CDHR2: variants seen among roughly 807,000 people sequenced by gnomAD.
CDHR2 encodes the protein cadherin-related family member 2.
Under a neutral mutation model 138.6 loss-of-function variants are expected in CDHR2, and 104 were observed. The observed-to-expected ratio is 0.75, with a 90% CI of 0.64 to 0.88. CDHR2 has a LOEUF of 0.88. CDHR2 is among the 40% of genes least tolerant of loss of function. The probability of loss-of-function intolerance (pLI) is 0.00; values close to 1 mark genes in which losing one functional copy is unlikely to be tolerated. For synonymous variants in CDHR2, 755 were observed against 742.8 expected (o/e 1.02, Z -0.27); for missense variants, 1,624 against 1,727.6 (o/e 0.94, Z 1.06).
chr5:176,590,089 A>C lies in CDHR2; in HGVS notation c.3218A>C (p.Gln1073Pro), dbSNP rs758539511. The C allele has an allele frequency of 1.9e-6, 3 of 1,613,728 alleles. No individual in the cohort carries two copies. The highest frequency in any genetic ancestry group is 1.7e-6 in the Non-Finnish European group (2 of 1,179,874). Residue 1073 changes from glutamine (Q) to proline (P), a missense_variant, in exon 25 of 32, where the codon CAG (glutamine) becomes CCG (proline). Physicochemically the swap from Gln to Pro is moderately conservative, Grantham distance 76 (BLOSUM62 -1). Coordinates refer to ENST00000261944, the MANE Select transcript of CDHR2 (RefSeq NM_017675.6). ...TGCCTTCTTTGCAGGGCTCTTACCC[A>C]GGCAACCAGGACTACAGTATACATT... The part of the protein sequence containing the change: ...NRQAINAALT[Q>P]ATRTTVYIVD...
chr5:176,549,971 G>T (rs1252281009), intron 1 of CDHR2, among the ~76,000 whole-genome samples: 1 of 152,226 alleles, frequency 6.6e-6, no homozygotes, highest in African/African-American at 2.4e-5. Flanking sequence ...GCCAGTGCTA[G>T]GAAGTGTCAG....
chr5:176,557,627 G>T (rs1421257217), intron 1 of CDHR2, among the ~76,000 whole-genome samples: 1 of 142,986 alleles, frequency 7.0e-6, no homozygotes, highest in African/African-American at 2.6e-5. Context: ...GTGCAGTGAC[G>T]AAATCTCTGC....
chr5:176,551,811 C>T (rs1195372655), intron 1 of CDHR2, among the ~76,000 whole-genome samples: 2 of 150,236 alleles, frequency 1.3e-5, no homozygotes, highest in Non-Finnish European at 2.9e-5. Flanking sequence ...ACGCCATTCT[C>T]CTGCCTCAGC....
exon 1 of CDHR2, chr5:176,542,729 A>G (rs1302547020): frequency 1.3e-5 from 2 of 151,796 alleles, no homozygotes; most frequent in Middle Eastern, 3.4e-3. Flanking sequence ...CAAGACACGG[A>G]CTCTCTCCGG....
At chr5:176,588,837 T>C (rs960543338) in intron 21 of CDHR2, among the ~76,000 whole-genome samples, 194 bp from the exon 22 acceptor site, 2 of 152,098 alleles carry the variant, frequency 1.3e-5, no homozygotes, top group Non-Finnish European at 2.9e-5. Context: ...AGGGGCAGGT[T>C]CTTGTCCAAA....
rs766845271 is a variant in CDHR2, at chr5:176,581,592, C to T, written c.2058+10C>T. The T allele has an allele frequency of 1.4e-5, 22 of 1,611,100 alleles. No individual in the cohort carries two copies. The highest frequency in any genetic ancestry group is 2.7e-5 in the African/African-American group (2 of 74,894). ...CACCATCACTGTGGAGGTAAGGCCT[C>T]GCTTAGCCAGGATGGGCCTGGGGGC... On this transcript the variant is annotated intron_variant, in intron 17 of 31. Transcript: ENST00000261944.
At chr5:176,592,084 GTGGTGGTGGTGA>G (rs879495530) in intron 30 of CDHR2, among the ~76,000 whole-genome samples, 43,051 of 132,498 alleles carry the variant, frequency 0.32, 9,231 homozygotes, top group Non-Finnish European at 0.42. Context: ...AGTTATCGTG[GTGGTGGTGGTGA>G]TGGTGGTGGT....
chr5:176,585,125 T>C, intron 19 of CDHR2, 110 bp downstream of exon 19: 1 of 1,300,368 alleles, frequency 7.7e-7, no homozygotes, highest in South Asian at 1.5e-5. Flanking sequence ...GCTCCAGCCC[T>C]TTCCAGCTGC....
At chr5:176,593,171 G>A (rs1488161930) in intron 31 of CDHR2, among the ~76,000 whole-genome samples, 1 of 152,186 alleles carries the variant, frequency 6.6e-6, no homozygotes. Context: ...ATCCAGAGGT[G>A]AACCAGCATA....
intron 31 of CDHR2, among the ~76,000 whole-genome samples, chr5:176,593,350 T>C (rs1237815906): frequency 6.6e-6 from 1 of 152,138 alleles, no homozygotes; most frequent in Non-Finnish European, 1.5e-5. Context: ...GGTCCATGGG[T>C]GCAACATTCT....
At chr5:176,586,333 C>T (rs902928473) in intron 20 of CDHR2, among the ~76,000 whole-genome samples, 1 of 152,216 alleles carries the variant, frequency 6.6e-6, no homozygotes, top group African/African-American at 2.4e-5. Context: ...GTAGCTGGGG[C>T]TACAGGCATG....
intron 1 of CDHR2, among the ~76,000 whole-genome samples, chr5:176,557,363 G>A (rs570346668): frequency 4.6e-5 from 7 of 151,948 alleles, no homozygotes; most frequent in Non-Finnish European, 7.4e-5. Flanking sequence ...GTGCCACTAC[G>A]CTGGCCTAAT....
chr5:176,591,569 T>A (rs1581152042), intron 30 of CDHR2, 85 bp downstream of exon 30: 1 of 1,005,922 alleles, frequency 9.9e-7, no homozygotes, highest in East Asian at 2.4e-5. Flanking sequence ...TTGGTGGTGA[T>A]GATGGTGATG....
intron 24 of CDHR2, among the ~76,000 whole-genome samples, chr5:176,589,864 C>G (rs1426467282): frequency 6.6e-6 from 1 of 152,222 alleles, no homozygotes; most frequent in African/African-American, 2.4e-5. Context: ...CTGTGTGTTG[C>G]ACAAGGGCAC....
Position 176,578,528 on chromosome 5 carries a change from AACG to A in CDHR2, c.1741_1743del (p.Asp581del). The A allele has an allele frequency of 6.2e-7, 1 of 1,614,168 alleles. No individual in the cohort carries two copies. The highest frequency in any genetic ancestry group is 8.5e-7 in the Non-Finnish European group (1 of 1,180,034). On this transcript the variant is annotated inframe_deletion, in exon 16 of 32. Transcript: ENST00000261944. ...ACTGCAGATCCACCTGCTGGACATCAACGACAATGCACCCGTGGTTAGCGGCTC... is the reference window on the plus strand; with the variant it reads ...ACTGCAGATCCACCTGCTGGACATCAACAATGCACCCGTGGTTAGCGGCTC...
chr5:176,565,395 G>A lies in CDHR2; in HGVS notation c.43G>A (p.Val15Met), dbSNP rs142638492. 1.8e-4 allele frequency: 295 copies of A among 1,613,798 alleles called. No homozygotes were observed. Among genetic ancestry groups the A allele is most frequent in the Admixed American group, 1.1e-3 (67 of 59,982 alleles). The change falls in exon 2 of 32, where the codon GTG becomes ATG. Residue 15 changes from valine (V) to methionine (M), a missense_variant. By Grantham distance (21) the Val-to-Met change is conservative. Transcript: ENST00000261944. ...GTCCTGCTTCCTCCTTCCTGCCCTC[G>A]TGGTGTCTGGTAGGTGTCTCCCCTC... ...WLSCFLLPALVVSVAANVAPK... is the reference protein window; with the variant it reads ...WLSCFLLPALMVSVAANVAPK...
rs200991100 is a variant in CDHR2 at position 176,568,920 on chromosome 5, C to A, written c.265-40C>A. 34 of 1,612,060 alleles carry A rather than the reference C, an allele frequency of 2.1e-5. No homozygotes were observed. The East Asian group carries it at 7.4e-4, about 35-fold the overall frequency. ...CGGCACCCCCTGTGCTCCCACCCAG[C>A]GGGGGCTCACCACCGGCCCCTTCTC... On this transcript the variant is annotated intron_variant, in intron 4 of 31. Transcript: ENST00000261944.
At chr5:176,551,870 ATT>A (rs11312647) in intron 1 of CDHR2, among the ~76,000 whole-genome samples, 7 of 97,372 alleles carry the variant, frequency 7.2e-5, no homozygotes, top group African/African-American at 1.4e-4. Context: ...CCTGGCTAAT[ATT>A]TTTTTTTTTT....
At chr5:176,575,674 C>G (rs753270430) in intron 10 of CDHR2, 50 bp from the exon 11 acceptor site, 50 of 1,597,356 alleles carry the variant, frequency 3.1e-5, no homozygotes, top group Non-Finnish European at 4.2e-5. Flanking sequence ...GGGGCTCCGT[C>G]AGAGCCACTG....
Sources: allele counts gnomAD v4.1 joint callset (sites outside exome capture counted in the v4.1 genomes callset), GRCh38; gene constraint gnomAD v4.1.1; transcripts MANE v1.5; gene names NCBI Gene and HGNC (gene_info 2026-07-23, HGNC 2026-07-21).